The following IPCEF1 variants were observed in gnomAD, a reference collection of about 807,000 sequenced individuals.
IPCEF1 encodes interaction protein for cytohesin exchange factors 1.
In IPCEF1, 31 loss-of-function variants were observed where a neutral mutation model predicts 50.9. The observed-to-expected ratio is 0.61, with a 90% CI of 0.46 to 0.82. The LOEUF (loss-of-function observed/expected upper bound fraction) is 0.82, where lower values mean the gene tolerates loss of function less well. IPCEF1 is among the 40% of genes least tolerant of loss of function. The pLI is 0.00. For missense variants in IPCEF1, 458 were observed against 514.0 expected, an observed-to-expected ratio of 0.89 and a Z score of 1.05; for synonymous variants, 181 against 192.0, an observed-to-expected ratio of 0.94 and a Z score of 0.47.
At chr6:154,263,950 C>G (rs1368468458) in intron 3 of IPCEF1, among the ~76,000 whole-genome samples, 9 of 136,194 alleles carry the variant, frequency 6.6e-5, no homozygotes, top group African/African-American at 2.4e-4. Flanking sequence ...TAGGGGCGGC[C>G]GGGCAGAGGC....
intron 10 of IPCEF1, among the ~76,000 whole-genome samples, chr6:154,183,881 C>G (rs887196229): frequency 1.3e-5 from 2 of 151,854 alleles, no homozygotes; most frequent in Non-Finnish European, 2.9e-5. Flanking sequence ...CAAAATAAGA[C>G]CCTGTATCAA....
intron 11 of IPCEF1, among the ~76,000 whole-genome samples, chr6:154,166,395 T>C (rs1435694482): frequency 6.6e-6 from 1 of 152,230 alleles, no homozygotes; most frequent in African/African-American, 2.4e-5. Flanking sequence ...TGACTCAAAC[T>C]GCACATGCTC....
intron 1 of IPCEF1, among the ~76,000 whole-genome samples, chr6:154,310,132 A>G (rs1783044214): frequency 6.6e-6 from 1 of 152,160 alleles, no homozygotes; most frequent in Non-Finnish European, 1.5e-5. Context: ...TACTGCTCCA[A>G]TTCTTACCAC....
At chr6:154,203,470 C>T (rs1443206311) in intron 9 of IPCEF1, among the ~76,000 whole-genome samples, 1 of 152,176 alleles carries the variant, frequency 6.6e-6, no homozygotes, top group East Asian at 1.9e-4. Flanking sequence ...TACAGTCAGC[C>T]TTCTGTATCC....
intron 7 of IPCEF1, among the ~76,000 whole-genome samples, chr6:154,219,806 CT>C (rs1778706837): frequency 6.6e-6 from 1 of 152,040 alleles, no homozygotes; most frequent in South Asian, 2.1e-4. Flanking sequence ...TAAATCAAAG[CT>C]TTGTTTGGAA....
At chr6:154,207,636 C>G (rs548285168) in intron 9 of IPCEF1, among the ~76,000 whole-genome samples, 2 of 152,202 alleles carry the variant, frequency 1.3e-5, no homozygotes, top group South Asian at 2.1e-4. Flanking sequence ...CTCTGGGGCT[C>G]AAGCCATCCA....
intron 10 of IPCEF1, among the ~76,000 whole-genome samples, chr6:154,193,136 A>G (rs905057147): frequency 1.2e-4 from 18 of 152,212 alleles, no homozygotes; most frequent in Non-Finnish European, 2.6e-4. Flanking sequence ...ATCAGTCAAC[A>G]AGTGGATAAA....
In IPCEF1 at chr6:154,155,820, G is replaced by C. The variant is rs1237598592; in HGVS notation, c.*4008C>G. ...AAAGTATTTCTTACTAAGAGATAAT[G>C]TACCTATGAATTTAAACATGTCTTA... On this transcript the variant is annotated 3_prime_UTR_variant, in exon 12 of 12. Coordinates refer to ENST00000367220, the MANE Select transcript of IPCEF1 (RefSeq NM_001130700.2). The C allele has an allele frequency of 6.6e-6, 1 of 152,112 alleles. No homozygotes were observed. Among genetic ancestry groups the C allele is most frequent in the African/African-American group, 2.4e-5 (1 of 41,414 alleles). 9.4% of individuals were successfully genotyped at this position (152,112 alleles called of 1,614,324 possible).
intron 3 of IPCEF1, among the ~76,000 whole-genome samples, chr6:154,262,331 T>A (rs1253773616): frequency 6.6e-6 from 1 of 152,220 alleles, no homozygotes; most frequent in Non-Finnish European, 1.5e-5. Flanking sequence ...AGGTCGGGAA[T>A]TACGTGGATG....
At chr6:154,183,905 A>G (rs1379956235) in intron 10 of IPCEF1, among the ~76,000 whole-genome samples, 1 of 152,130 alleles carries the variant, frequency 6.6e-6, no homozygotes, top group African/African-American at 2.4e-5. Context: ...CAAACAAACA[A>G]AAAAAACAAA....
chr6:154,291,117 C>T (rs1010985645), intron 1 of IPCEF1, among the ~76,000 whole-genome samples: 1 of 152,152 alleles, frequency 6.6e-6, no homozygotes, highest in Non-Finnish European at 1.5e-5. Context: ...TGGTCTTGAA[C>T]TCCTGACCTC....
In IPCEF1 at chr6:154,199,989, A is replaced by G. The variant is rs1419429345; in HGVS notation, c.589T>C (p.Ser197Pro). The G allele has an allele frequency of 6.2e-7, 1 of 1,614,088 alleles. No individual in the cohort carries two copies. Among genetic ancestry groups the G allele is most frequent in the Non-Finnish European group, 8.5e-7 (1 of 1,180,034 alleles). ...SSPSLSGTSYSFSSLENTVKT... is the reference protein window; with the variant it reads ...SSPSLSGTSYPFSSLENTVKT... ...ACTGTATTTTCCAGGGAAGAGAAAG[A>G]ATACGACGTTCCACTCAGGCTGGGT... The change falls in exon 10 of 12, where the codon TCT (serine) becomes CCT (proline). Residue 197 changes from serine (S) to proline (P), a missense_variant. Coordinates refer to ENST00000367220, the MANE Select transcript of IPCEF1 (RefSeq NM_001130700.2).
At chr6:154,262,810 C>G (rs1447628482) in intron 3 of IPCEF1, among the ~76,000 whole-genome samples, 1 of 120,824 alleles carries the variant, frequency 8.3e-6, no homozygotes, top group African/African-American at 3.2e-5. Flanking sequence ...CAGAGTCTTG[C>G]TCTGTCACCA....
chr6:154,223,083 A>G (rs1428195735), intron 6 of IPCEF1, 87 bp downstream of exon 6: 1 of 1,042,312 alleles, frequency 9.6e-7, no homozygotes, highest in Non-Finnish European at 1.5e-6. Context: ...ACCTTCACTC[A>G]CTTCTAAATC....
chr6:154,267,255 G>A (rs1781779934), intron 2 of IPCEF1, among the ~76,000 whole-genome samples: 1 of 151,726 alleles, frequency 6.6e-6, no homozygotes, highest in Non-Finnish European at 1.5e-5. Flanking sequence ...TCACAAAGAA[G>A]ATAATAAGCA....
intron 2 of IPCEF1, among the ~76,000 whole-genome samples, chr6:154,286,436 TAATGACAGGAGTA>T (rs1436093127): frequency 6.6e-6 from 1 of 152,230 alleles, no homozygotes; most frequent in Non-Finnish European, 1.5e-5. Flanking sequence ...TAGTATTGCT[TAATGACAGGAGTA>T]AAAGACGAAA....
At chr6:154,339,125 G>T (rs985334217) in intron 1 of IPCEF1, among the ~76,000 whole-genome samples, 2 of 151,898 alleles carry the variant, frequency 1.3e-5, no homozygotes, top group African/African-American at 4.8e-5. Flanking sequence ...GCTAATCAGG[G>T]TGTATATTCA....
At chr6:154,295,154 C>T (rs187440138) in intron 1 of IPCEF1, among the ~76,000 whole-genome samples, 192 of 151,938 alleles carry the variant, frequency 1.3e-3, no homozygotes, top group African/African-American at 4.4e-3. Flanking sequence ...GCTGAGATTG[C>T]GCCACTGCAC....
chr6:154,332,801 C>T (rs1783703079), intron 1 of IPCEF1, among the ~76,000 whole-genome samples: 1 of 152,156 alleles, frequency 6.6e-6, no homozygotes, highest in South Asian at 2.1e-4. Context: ...CTGAGTCAGG[C>T]ACTCTGTTGT....
Sources: gnomAD v4.1 joint callset for allele counts (sites outside exome capture counted in the v4.1 genomes callset) on GRCh38, gnomAD v4.1.1 for gene constraint, MANE v1.5 for transcripts, NCBI Gene and HGNC (gene_info 2026-07-23, HGNC 2026-07-21) for gene names.